COLGALT2: variants seen among roughly 807,000 people sequenced by gnomAD.
COLGALT2 encodes the protein procollagen galactosyltransferase 2.
COLGALT2 carries 49 observed loss-of-function variants against 73.4 expected under a neutral mutation model. The ratio of observed to expected loss-of-function variants is 0.67; its 90% CI spans 0.53 to 0.85. The LOEUF (loss-of-function observed/expected upper bound fraction) is 0.85, where lower values mean the gene tolerates loss of function less well. COLGALT2 is among the 40% of genes least tolerant of loss of function. The pLI, the probability that COLGALT2 is intolerant of heterozygous loss-of-function variation, is 0.00. For missense variants in COLGALT2, 722 were observed against 790.2 expected, an observed-to-expected ratio of 0.91 and a Z score of 1.03; for synonymous variants, 295 against 307.6, an observed-to-expected ratio of 0.96 and a Z score of 0.43.
At chr1:183,999,713 A>T (rs1471789519) in intron 1 of COLGALT2, among the ~76,000 whole-genome samples, 1 of 152,084 alleles carries the variant, frequency 6.6e-6, no homozygotes, top group African/African-American at 2.4e-5. Context: ...TAAATATTTT[A>T]CCTAATTTCT....
chr1:184,011,588 A>G (rs920014946), intron 1 of COLGALT2, among the ~76,000 whole-genome samples: 9 of 152,194 alleles, frequency 5.9e-5, no homozygotes, highest in African/African-American at 2.2e-4. Context: ...CCTTGTTCCA[A>G]TCGGCTGTTA....
intron 1 of COLGALT2, among the ~76,000 whole-genome samples, chr1:183,999,152 ATT>A (rs1671848628): frequency 6.6e-6 from 1 of 151,804 alleles, no homozygotes; most frequent in South Asian, 2.1e-4. Context: ...GGTTGAGAAA[ATT>A]TTCTTGGTGA....
At chr1:183,984,083 C>A (rs897597441) in intron 1 of COLGALT2, among the ~76,000 whole-genome samples, 1 of 152,196 alleles carries the variant, frequency 6.6e-6, no homozygotes, top group Admixed American at 6.5e-5. Context: ...TCCACTCACT[C>A]TCTCTTCCCC....
intron 8 of COLGALT2, among the ~76,000 whole-genome samples, chr1:183,949,014 T>A (rs566758038): frequency 6.6e-6 from 1 of 152,200 alleles, no homozygotes; most frequent in Non-Finnish European, 1.5e-5. Flanking sequence ...TACTTAGGAG[T>A]ATATTTAACA....
chr1:183,937,192 G>A lies in COLGALT2; in HGVS notation c.*1569C>T. On this transcript the variant is annotated 3_prime_UTR_variant, in exon 12 of 12. Transcript: ENST00000361927. ...CCCTCCCCATGAGTTTAAGTGTGAA[G>A]CTCAGGGTTTGGGGTGTGCACGGCC... The A allele has an allele frequency of 8.2e-7, 1 of 1,223,578 alleles. No homozygotes were observed. The highest frequency in any genetic ancestry group is 1.0e-6 in the Non-Finnish European group (1 of 983,382). 75.8% of individuals were successfully genotyped at this position (1,223,578 alleles called of 1,614,324 possible).
intron 1 of COLGALT2, among the ~76,000 whole-genome samples, chr1:183,991,483 T>G (rs530684327): frequency 3.7e-4 from 57 of 152,266 alleles, no homozygotes; most frequent in Admixed American, 1.7e-3. Context: ...CCACAGAGTA[T>G]CCCAGAATGA....
intron 1 of COLGALT2, among the ~76,000 whole-genome samples, chr1:183,988,280 C>T (rs559944080): frequency 2.6e-5 from 4 of 152,224 alleles, no homozygotes; most frequent in African/African-American, 7.2e-5. Context: ...CTGCAAACAC[C>T]GTACATACCT....
Position 183,939,040 on chromosome 1 carries a change from G to A in COLGALT2, c.1605-3C>T. 6.2e-7 allele frequency: 1 copy of A among 1,606,446 alleles called. No individual in the cohort carries two copies. The highest frequency in any genetic ancestry group is 1.1e-5 in the South Asian group (1 of 90,848). Reference sequence around the variant, plus strand: ...CATAATACTCCTTGTACTCGGCTCTGAAAACAAGAAGGTGGCCGGACACAT... The same window carrying A: ...CATAATACTCCTTGTACTCGGCTCTAAAAACAAGAAGGTGGCCGGACACAT... On this transcript the variant is annotated splice_region_variant and splice_polypyrimidine_tract_variant and intron_variant, in intron 11 of 11. Transcript: ENST00000361927.
At chr1:183,956,098 C>T (rs1487604225) in intron 6 of COLGALT2, among the ~76,000 whole-genome samples, 2 of 152,210 alleles carry the variant, frequency 1.3e-5, no homozygotes, top group African/African-American at 2.4e-5. Context: ...GCTCTGCAGA[C>T]TTGGATAGCA....
At chr1:183,940,868 T>A (rs1054400049) in intron 10 of COLGALT2, 81 bp from the exon 11 acceptor site, 3 of 1,182,808 alleles carry the variant, frequency 2.5e-6, no homozygotes, top group Non-Finnish European at 3.8e-6. Context: ...TTGGTTTACA[T>A]AGATACCTCT....
At chr1:183,993,747 C>T (rs1181094406) in intron 1 of COLGALT2, among the ~76,000 whole-genome samples, 1 of 152,186 alleles carries the variant, frequency 6.6e-6, no homozygotes, top group Non-Finnish European at 1.5e-5. Flanking sequence ...CCAGAATTTC[C>T]TAATTTTTCA....
chr1:184,011,752 C>T (rs1216098671), intron 1 of COLGALT2, among the ~76,000 whole-genome samples: 1 of 152,118 alleles, frequency 6.6e-6, no homozygotes, highest in Non-Finnish European at 1.5e-5. Context: ...GGTGTAAACC[C>T]TATATGTAAA....
chr1:184,005,189 C>A (rs1242535612), intron 1 of COLGALT2, among the ~76,000 whole-genome samples: 1 of 152,114 alleles, frequency 6.6e-6, no homozygotes, highest in African/African-American at 2.4e-5. Context: ...GAATGACTGG[C>A]AAGGAAGGCC....
chr1:184,026,420 A>C (rs149291364), intron 1 of COLGALT2, among the ~76,000 whole-genome samples: 1 of 152,228 alleles, frequency 6.6e-6, no homozygotes, highest in African/African-American at 2.4e-5. Flanking sequence ...ATGGAACCAT[A>C]TAAGACTTAA....
intron 8 of COLGALT2, among the ~76,000 whole-genome samples, chr1:183,950,560 G>A (rs1243116585): frequency 6.6e-6 from 1 of 151,776 alleles, no homozygotes; most frequent in African/African-American, 2.4e-5. Flanking sequence ...ACTATGATCG[G>A]TCCAGGCAGA....
In COLGALT2 at chr1:183,938,310, A is replaced by C; in HGVS notation, c.*451T>G. ...TTCCTGTCCCCCAAAAGTTGCACAC[A>C]CAAGTTTTCAATGTCATATAAAACG... On this transcript the variant is annotated 3_prime_UTR_variant, in exon 12 of 12. Transcript: ENST00000361927. 1.0e-6 allele frequency: 1 copy of C among 990,834 alleles called. No individual in the cohort carries two copies. The highest frequency in any genetic ancestry group is 1.2e-6 in the Non-Finnish European group (1 of 833,042). The allele number at this position is 990,834 out of a possible 1,614,324, so 61.4% of individuals were successfully genotyped here. A position where few individuals can be genotyped will look rare whatever the true frequency, so the allele number is the denominator to read the frequency against.
intron 5 of COLGALT2, chr1:183,964,294 G>A (rs1670804033): frequency 2.4e-6 from 1 of 411,902 alleles, no homozygotes. Context: ...GGCCTGGAAT[G>A]AACAAAAAAG....
intron 1 of COLGALT2, among the ~76,000 whole-genome samples, chr1:184,008,288 A>G (rs1672136592): frequency 6.6e-6 from 1 of 152,256 alleles, no homozygotes; most frequent in Admixed American, 6.5e-5. Context: ...GGCTGAAATT[A>G]AATATTAATT....
rs967766323 is a variant in COLGALT2 at position 184,006,441 on chromosome 1, G to C, written c.264-27921C>G. On this transcript the variant is annotated intron_variant, in intron 1 of 11. Coordinates refer to ENST00000361927, the MANE Select transcript of COLGALT2 (RefSeq NM_015101.4). The stretch of plus-strand genomic sequence containing the variant: ...CTCTACTAAAAATACAAAATTAGCT[G>C]GGCGTGGTGGTGCATGCCTGTAATC... Among the ~76,000 whole-genome samples the C allele has an allele frequency of 1.1e-4, 17 of 152,086 alleles. No homozygotes were observed. In the South Asian group the frequency reaches 3.1e-3, roughly 28 times the overall value.
Sources: gnomAD v4.1 joint callset for allele counts (sites outside exome capture counted in the v4.1 genomes callset) on GRCh38, gnomAD v4.1.1 for gene constraint, MANE v1.5 for transcripts, NCBI Gene and HGNC (gene_info 2026-07-23, HGNC 2026-07-21) for gene names.